Variants in MTHFD1 observed in about 807,000 individuals in gnomAD.
The protein encoded by MTHFD1 is C-1-tetrahydrofolate synthase, cytoplasmic.
MTHFD1 carries 44 observed loss-of-function variants against 110.3 expected under a neutral mutation model. The observed-to-expected ratio is 0.40, with a 90% CI of 0.31 to 0.51. The LOEUF is 0.51. MTHFD1 is among the 20% of genes least tolerant of loss of function. The pLI, the probability that MTHFD1 is intolerant of heterozygous loss-of-function variation, is 0.60. For synonymous variants in MTHFD1, 402 were observed against 428.8 expected (o/e 0.94, Z 0.77); for missense variants, 909 against 1,173.1 (o/e 0.77, Z 3.29).
At chr14:64,388,773 G>C (rs1204263004) in intron 1 of MTHFD1, 4 of 559,044 alleles carry the variant, frequency 7.2e-6, no homozygotes, top group Non-Finnish European at 1.3e-5. Flanking sequence ...GCTTCCTGGA[G>C]CCCCCCTAGT....
At chr14:64,458,406 G>A in intron 27 of MTHFD1, 99 bp downstream of exon 27, 1 of 855,230 alleles carries the variant, frequency 1.2e-6, no homozygotes, top group Non-Finnish European at 2.0e-6. Context: ...ACATTCTAAT[G>A]CTTTCAAAAC....
In MTHFD1 at chr14:64,389,920, A is replaced by G. The variant is rs146207998; in HGVS notation, c.41+1452A>G. Reference sequence around the variant, plus strand: ...TTTAGTGCATAATAATAGTGCAGATAATTTAGTACAATAATAATGCATCTG... The same window carrying G: ...TTTAGTGCATAATAATAGTGCAGATGATTTAGTACAATAATAATGCATCTG... On this transcript the variant is annotated intron_variant, in intron 1 of 27. Coordinates refer to ENST00000652337, the MANE Select transcript of MTHFD1 (RefSeq NM_005956.4). 6.5e-3 allele frequency among the ~76,000 whole-genome samples: 996 copies of G among 152,352 alleles called. 12 individuals carry two copies. Among genetic ancestry groups the G allele is most frequent in the African/African-American group, 0.023 (960 of 41,578 alleles).
Position 64,431,714 on chromosome 14 carries a change from C to G in MTHFD1, c.1420-73C>G, listed in dbSNP as rs1032281258. Reference sequence around the variant, plus strand: ...GAACCATCTGAATTAGTGTTGGTGTCTTGGGTGCTGAGGATGCAGGTAGCA... The same window carrying G: ...GAACCATCTGAATTAGTGTTGGTGTGTTGGGTGCTGAGGATGCAGGTAGCA... On this transcript the variant is annotated intron_variant, in intron 14 of 27. Transcript: ENST00000652337. 8.8e-6 allele frequency: 14 copies of G among 1,593,790 alleles called. No individual in the cohort carries two copies. The African/African-American group carries it at 9.4e-5, about 11-fold the overall frequency.
In MTHFD1 at chr14:64,458,230, G is replaced by C. The variant is rs2078506489; in HGVS notation, c.2735G>C (p.Gly912Ala). The C allele has an allele frequency of 6.2e-7, 1 of 1,612,458 alleles. No homozygotes were observed. Among genetic ancestry groups the C allele is most frequent in the Admixed American group, 1.7e-5 (1 of 59,986 alleles). ...ACATCCTAGATGAGCACAATGCCTG[G>C]ACTCCCCACCCGGCCCTGTTTTTAT... The part of the protein sequence containing the change: ...PLVGTMSTMP[G>A]LPTRPCFYDI... Residue 912 changes from glycine to alanine, a missense_variant, in exon 27 of 28, where the codon GGA (glycine) becomes GCA (alanine). Physicochemically the swap from Gly to Ala is moderately conservative, Grantham distance 60. Transcript: ENST00000652337.
chr14:64,449,349 C>A, intron 23 of MTHFD1, 96 bp from the exon 24 acceptor site: 1 of 1,392,688 alleles, frequency 7.2e-7, no homozygotes, highest in Non-Finnish European at 1.0e-6. Context: ...GTTCGTTTAT[C>A]AGTGGGTAAT....
chr14:64,403,744 C>T (rs774512691), intron 2 of MTHFD1, among the ~76,000 whole-genome samples: 51 of 151,906 alleles, frequency 3.4e-4, no homozygotes, highest in Non-Finnish European at 4.9e-4. Flanking sequence ...CGGTTTTTTG[C>T]CTTGTTGCCC....
intron 21 of MTHFD1, among the ~76,000 whole-genome samples, chr14:64,444,109 G>A (rs1394592742): frequency 6.6e-6 from 1 of 152,026 alleles, no homozygotes; most frequent in East Asian, 1.9e-4. Context: ...TCAAGACTGG[G>A]GGCTGGGGGG....
At chr14:64,428,108 T>G (rs898593051) in intron 12 of MTHFD1, among the ~76,000 whole-genome samples, 11 of 142,854 alleles carry the variant, frequency 7.7e-5, no homozygotes, top group African/African-American at 2.1e-4. Context: ...ATGTGTTTTT[T>G]TTTTTTTTTT....
rs1172249425 is a variant in MTHFD1, at chr14:64,436,256, G to A, written c.1597+585G>A. ...ACTACAGGCACCCGCCATCATGCCC[G>A]GCTAATTTTTTGTATTTTTAGTAGA... On this transcript the variant is annotated intron_variant, in intron 16 of 27. Coordinates refer to ENST00000652337, the MANE Select transcript of MTHFD1 (RefSeq NM_005956.4). Among the ~76,000 whole-genome samples, 6 of 151,936 alleles carry A rather than the reference G, an allele frequency of 3.9e-5. No homozygotes were observed. In the East Asian group the frequency reaches 1.2e-3, roughly 29 times the overall value.
intron 16 of MTHFD1, among the ~76,000 whole-genome samples, chr14:64,436,993 G>A (rs1187691935): frequency 6.6e-6 from 1 of 152,012 alleles, no homozygotes; most frequent in Non-Finnish European, 1.5e-5. Context: ...CAGCAAGAGT[G>A]GGGGGTGTGT....
At chr14:64,442,517 C>T (rs2078257196) in intron 21 of MTHFD1, 115 bp downstream of exon 21, 4 of 1,142,478 alleles carry the variant, frequency 3.5e-6, no homozygotes, top group East Asian at 4.8e-5. Context: ...GATTAACAGG[C>T]AGCAAAAGCA....
intron 7 of MTHFD1, chr14:64,419,057 TG>T (rs1277425945): frequency 2.0e-5 from 3 of 152,668 alleles, no homozygotes; most frequent in Non-Finnish European, 4.4e-5. Context: ...GGGGTCTCAC[TG>T]TGTTGCCCAG....
intron 12 of MTHFD1, among the ~76,000 whole-genome samples, chr14:64,429,790 C>T (rs993953870): frequency 7.2e-5 from 11 of 152,220 alleles, no homozygotes; most frequent in Non-Finnish European, 1.3e-4. Flanking sequence ...CTATTTATCT[C>T]TATTTAGGAA....
intron 1 of MTHFD1, among the ~76,000 whole-genome samples, chr14:64,396,688 C>T (rs1449959348): frequency 6.6e-6 from 1 of 151,386 alleles, no homozygotes; most frequent in African/African-American, 2.4e-5. Context: ...CGTGAGCCAC[C>T]GTGCCCAGCC....
Position 64,427,386 on chromosome 14 carries a change from C to T in MTHFD1, c.1177C>T (p.Leu393=), listed in dbSNP as rs543634249. 1 of 1,614,164 alleles carries T rather than the reference C, an allele frequency of 6.2e-7. No homozygotes were observed. Among genetic ancestry groups the T allele is most frequent in the African/African-American group, 1.3e-5 (1 of 75,050 alleles). ...AGGGAAAAGCACAACTACAATCGGG[C>T]TAGTGCAAGCCCTTGGTGCCCATCT... The part of the protein sequence containing the change: ...GEGKSTTTIG[L]VQALGAHLYQ... The change falls in exon 12 of 28, where the codon CTA becomes TTA. Residue 393 remains leucine (L), a synonymous_variant. Transcript: ENST00000652337.
intron 7 of MTHFD1, chr14:64,419,384 ACG>A (rs2078052167): frequency 7.5e-6 from 2 of 266,634 alleles, no homozygotes; most frequent in South Asian, 4.4e-5. Context: ...ACACACACAC[ACG>A]TGCCTGTTGA....
At chr14:64,438,918 A>G (rs2078226860) in intron 16 of MTHFD1, among the ~76,000 whole-genome samples, 178 bp from the exon 17 acceptor site, 1 of 152,246 alleles carries the variant, frequency 6.6e-6, no homozygotes, top group Non-Finnish European at 1.5e-5. Flanking sequence ...ACTCCTGTGT[A>G]TTTATGGTAT....
chr14:64,449,178 C>T, intron 23 of MTHFD1: 1 of 503,312 alleles, frequency 2.0e-6, no homozygotes, highest in South Asian at 2.0e-5. Flanking sequence ...ATGGATTTAC[C>T]ATCTGAGTCT....
chr14:64,400,547 G>A (rs1223471937), intron 1 of MTHFD1, among the ~76,000 whole-genome samples: 1 of 152,166 alleles, frequency 6.6e-6, no homozygotes, highest in African/African-American at 2.4e-5. Context: ...TTAGCCAGGT[G>A]TGGTGGCACA....
Sources: allele counts gnomAD v4.1 joint callset (sites outside exome capture counted in the v4.1 genomes callset), GRCh38; gene constraint gnomAD v4.1.1; transcripts MANE v1.5; gene names NCBI Gene and HGNC (gene_info 2026-07-23, HGNC 2026-07-21).